The following TVP23A variants were observed in gnomAD, a reference collection of about 807,000 sequenced individuals.
The protein encoded by TVP23A is Golgi apparatus membrane protein TVP23 homolog A.
A neutral mutation model predicts 31.7 loss-of-function variants in TVP23A; 21 were observed. That is an observed-to-expected ratio of 0.66 (90% CI 0.47 to 0.95). The LOEUF (loss-of-function observed/expected upper bound fraction) is 0.95, where lower values mean the gene tolerates loss of function less well. Among genes scored for constraint, TVP23A ranks in the 40% least tolerant of loss-of-function variants. TVP23A has a pLI of 0.00. For missense variants in TVP23A, 279 were observed against 255.6 expected (o/e 1.09, Z -0.62); for synonymous variants, 104 against 96.0 (o/e 1.08, Z -0.49).
At position 10,774,959 on chromosome 16, in the gene TVP23A, G is replaced by A. The variant is rs1309300726; in HGVS notation, c.227C>T (p.Ser76Phe). The change falls in exon 3 of 8, where the codon TCT becomes TTT. Residue 76 changes from serine (S) to phenylalanine (F), a missense_variant. Coordinates refer to ENST00000299866, the MANE Select transcript of TVP23A (RefSeq NM_001079512.4). Reference sequence around the variant, plus strand: ...CACACGAAAGGGCCTCACCTTCACAGACCAGAAGTCCAGGGACAGGAGGAG... The same window carrying A: ...CACACGAAAGGGCCTCACCTTCACAAACCAGAAGTCCAGGGACAGGAGGAG... ...VLLLLSLDFW[S>F]VKNVTGRLLV... The A allele has an allele frequency of 5.0e-6, 8 of 1,612,674 alleles. No homozygotes were observed. The highest frequency in any genetic ancestry group is 6.8e-6 in the Non-Finnish European group (8 of 1,179,306).
At chr16:10,814,244 ACCCACCTGGATACATG>A (rs1460209927) in intron 2 of TVP23A, among the ~76,000 whole-genome samples, 1 of 152,096 alleles carries the variant, frequency 6.6e-6, no homozygotes, top group Non-Finnish European at 1.5e-5. Flanking sequence ...TCTCAAACAT[ACCCACCTGGATACATG>A]AACTGCTGCC....
At chr16:10,792,472 C>T (rs1469342362) in intron 2 of TVP23A, among the ~76,000 whole-genome samples, 3 of 152,180 alleles carry the variant, frequency 2.0e-5, no homozygotes, top group Non-Finnish European at 4.4e-5. Context: ...CACAACCCCA[C>T]CCCCAGGCCT....
rs773402933 is a variant in TVP23A at position 10,818,471 on chromosome 16, C to T, written c.9+14G>A. 23 of 1,604,608 alleles carry T rather than the reference C, an allele frequency of 1.4e-5. No homozygotes were observed. The highest frequency in any genetic ancestry group is 1.9e-5 in the Non-Finnish European group (22 of 1,178,622). On this transcript the variant is annotated intron_variant, in intron 1 of 7. Transcript: ENST00000299866. This position sits in a 1 kb window ranked among gnomAD's most constrained non-coding sequence, Gnocchi z 4.7. ...CCCGCCCCGCCTCCAGCCCCAGCAT[C>T]CCCGAGGCCCTACCTGCTTCATCAC...
chr16:10,771,919 C>T (rs8051333), intron 5 of TVP23A, 121 bp from the exon 6 acceptor site: 358,797 of 1,317,992 alleles, frequency 0.27, 50,382 homozygotes, highest in South Asian at 0.36. Context: ...CCCGGGTTCA[C>T]ACCATTCTCC....
At position 10,769,138 on chromosome 16, in the gene TVP23A, G is replaced by T. The variant is rs376901396; in HGVS notation, c.*1-37C>A. On this transcript the variant is annotated intron_variant, in intron 7 of 7. Coordinates refer to ENST00000299866, the MANE Select transcript of TVP23A (RefSeq NM_001079512.4). The stretch of plus-strand genomic sequence containing the variant: ...GAATGTTCAGGACCAAGCAGTTACC[G>T]AGCGAGGCACTCACTGGGCAGCACA... 1.2e-5 allele frequency: 19 copies of T among 1,606,790 alleles called. No homozygotes were observed. The South Asian group carries it at 1.7e-4, about 14-fold the overall frequency.
rs1204528707 is a variant in TVP23A at position 10,807,843 on chromosome 16, T to C, written c.89+10260A>G. ...TCTGCGCACAATGTAATGTAAGATA[T>C]GGAGTCTAGAGCCCGATTCCAAGGG... On this transcript the variant is annotated intron_variant, in intron 2 of 7. Transcript: ENST00000299866. Among the ~76,000 whole-genome samples the C allele has an allele frequency of 2.6e-5, 4 of 152,208 alleles. No homozygotes were observed. The South Asian group carries it at 6.2e-4, about 24-fold the overall frequency.
downstream of TVP23A, among the ~76,000 whole-genome samples, chr16:10,763,283 C>G (rs937957123): frequency 6.6e-6 from 1 of 151,766 alleles, no homozygotes; most frequent in Non-Finnish European, 1.5e-5. Context: ...ACAGGATTGC[C>G]AAGGGGCCGT....
chr16:10,757,708 G>A (rs1394030152), downstream of TVP23A, among the ~76,000 whole-genome samples: 1 of 152,068 alleles, frequency 6.6e-6, no homozygotes, highest in Admixed American at 6.6e-5. This position sits in a 1 kb window ranked among gnomAD's most constrained non-coding sequence, Gnocchi z 4.1. Flanking sequence ...CGCACTTATA[G>A]TCCTAGTTAC....
downstream of TVP23A, among the ~76,000 whole-genome samples, chr16:10,765,428 G>C (rs752779330): frequency 5.3e-5 from 8 of 151,620 alleles, no homozygotes; most frequent in Admixed American, 1.3e-4. This position sits in a 1 kb window ranked among gnomAD's most constrained non-coding sequence, Gnocchi z 4.0. Context: ...GATCACTTGA[G>C]CCCAGGGAGG....
rs2031821760 is a variant in TVP23A, at chr16:10,774,041, T to TC, written c.321dup (p.Lys108GlufsTer6). 2 of 1,610,150 alleles carry TC rather than the reference T, an allele frequency of 1.2e-6. No individual in the cohort carries two copies. Among genetic ancestry groups the TC allele is most frequent in the Non-Finnish European group, 8.5e-7 (1 of 1,178,124 alleles). ...GTTCAGCTCGTCATGGAGAATACCTTCCTGGCTTCAAAGATCCAGTGGCTC... is the reference window on the plus strand; with the variant it reads ...GTTCAGCTCGTCATGGAGAATACCTTCCCTGGCTTCAAAGATCCAGTGGCTC... On this transcript the variant is annotated frameshift_variant, in exon 4 of 8. Coordinates refer to ENST00000299866, the MANE Select transcript of TVP23A (RefSeq NM_001079512.4). LOFTEE classifies it high-confidence loss of function.
intron 2 of TVP23A, among the ~76,000 whole-genome samples, chr16:10,788,652 A>G (rs944231811): frequency 1.3e-5 from 2 of 152,204 alleles, no homozygotes; most frequent in Admixed American, 6.5e-5. Flanking sequence ...TCTCCACACT[A>G]TTTATTGAGT....
chr16:10,758,150 A>G (rs895221244), downstream of TVP23A: 11 of 1,123,134 alleles, frequency 9.8e-6, no homozygotes, highest in Non-Finnish European at 1.4e-5. Context: ...CCGCAGCTGC[A>G]TCTGATGTGG....
intron 2 of TVP23A, among the ~76,000 whole-genome samples, chr16:10,784,569 T>A (rs9806948): frequency 0.17 from 25,295 of 148,756 alleles, 5,963 homozygotes; most frequent in African/African-American, 0.54. Flanking sequence ...TCAAAAAAAA[T>A]AAATAAATAA....
chr16:10,818,215 A>C lies in TVP23A; in HGVS notation c.10-33T>G, dbSNP rs1393415776. The C allele has an allele frequency of 6.4e-7, 1 of 1,554,866 alleles. No individual in the cohort carries two copies. Among genetic ancestry groups the C allele is most frequent in the African/African-American group, 1.4e-5 (1 of 73,622 alleles). On this transcript the variant is annotated intron_variant, in intron 1 of 7. Coordinates refer to ENST00000299866, the MANE Select transcript of TVP23A (RefSeq NM_001079512.4). This position sits in a 1 kb window ranked among gnomAD's most constrained non-coding sequence, Gnocchi z 4.7. ...GAGAGCAAGGGCAGGTGGCAGGCCCAAGCACGGCGCACACCCCAACCCCAC... is the reference window on the plus strand; with the variant it reads ...GAGAGCAAGGGCAGGTGGCAGGCCCCAGCACGGCGCACACCCCAACCCCAC...
At chr16:10,772,433 G>C (rs1265157717) in intron 5 of TVP23A, among the ~76,000 whole-genome samples, 1 of 151,700 alleles carries the variant, frequency 6.6e-6, no homozygotes, top group African/African-American at 2.4e-5. Flanking sequence ...GCTGTGGCAC[G>C]ATCTTGGCTC....
At chr16:10,806,958 C>T (rs1352004136) in intron 2 of TVP23A, among the ~76,000 whole-genome samples, 1 of 152,146 alleles carries the variant, frequency 6.6e-6, no homozygotes, top group African/African-American at 2.4e-5. Context: ...TGTCTAGTTC[C>T]GTGATTCTGT....
At chr16:10,778,495 A>G (rs1392365024) in intron 2 of TVP23A, among the ~76,000 whole-genome samples, 1 of 152,144 alleles carries the variant, frequency 6.6e-6, no homozygotes, top group Non-Finnish European at 1.5e-5. Flanking sequence ...TCTTTCAATA[A>G]CTGAAAGTTC....
At chr16:10,807,578 G>A (rs1469018542) in intron 2 of TVP23A, among the ~76,000 whole-genome samples, 1 of 152,150 alleles carries the variant, frequency 6.6e-6, no homozygotes, top group African/African-American at 2.4e-5. Context: ...GTAGTGGGTG[G>A]GGGCTGGGGT....
At chr16:10,769,179 C>A in intron 7 of TVP23A, 78 bp from the exon 8 acceptor site, 1 of 1,415,798 alleles carries the variant, frequency 7.1e-7, no homozygotes, top group Non-Finnish European at 1.0e-6. Context: ...CCAGACCCGA[C>A]CAGCTCCGGG....
Sources: gnomAD v4.1 joint callset for allele counts (sites outside exome capture counted in the v4.1 genomes callset) on GRCh38, gnomAD v4.1.1 for gene constraint, Gnocchi (gnomAD v3.1) non-coding constraint, MANE v1.5 for transcripts, NCBI Gene and HGNC (gene_info 2026-07-23, HGNC 2026-07-21) for gene names.